ACSBG2: variants seen among roughly 807,000 people sequenced by gnomAD.
ACSBG2 encodes acyl-CoA synthetase bubblegum family member 2.
ACSBG2 carries 62 observed loss-of-function variants against 74.7 expected under a neutral mutation model. The ratio of observed to expected loss-of-function variants is 0.83; its 90% CI spans 0.68 to 1.03. The LOEUF (loss-of-function observed/expected upper bound fraction) is 1.03, where lower values mean the gene tolerates loss of function less well. Ranked by LOEUF, ACSBG2 falls within the 50% of genes least tolerant of loss-of-function variation. The pLI is 0.00. For synonymous variants in ACSBG2, 309 were observed against 294.1 expected (o/e 1.05, Z -0.52); for missense variants, 730 against 817.6 (o/e 0.89, Z 1.31).
intron 1 of ACSBG2, among the ~76,000 whole-genome samples, chr19:6,136,236 T>G (rs1475932534): frequency 6.6e-6 from 1 of 151,724 alleles, no homozygotes; most frequent in East Asian, 1.9e-4. Context: ...GGACTACAGG[T>G]GCCTGCCACC....
intron 7 of ACSBG2, among the ~76,000 whole-genome samples, chr19:6,169,491 C>G (rs929334611): frequency 6.6e-6 from 1 of 152,110 alleles, no homozygotes; most frequent in African/African-American, 2.4e-5. Flanking sequence ...GTTACTATAG[C>G]CTTGTAGTAT....
At chr19:6,176,019 G>T in intron 7 of ACSBG2, 1 of 228,120 alleles carries the variant, frequency 4.4e-6, no homozygotes, top group East Asian at 8.3e-5. Flanking sequence ...AGTTTTCTGA[G>T]TTCTGTCGTT....
chr19:6,162,066 G>C (rs369571704), intron 6 of ACSBG2, among the ~76,000 whole-genome samples: 2 of 152,034 alleles, frequency 1.3e-5, no homozygotes, highest in South Asian at 4.1e-4. Context: ...AGGAGATCGA[G>C]ACCATCCTGG....
At chr19:6,145,597 C>T (rs2089002167) in intron 2 of ACSBG2, among the ~76,000 whole-genome samples, 1 of 152,172 alleles carries the variant, frequency 6.6e-6, no homozygotes, top group Non-Finnish European at 1.5e-5. Context: ...CTTGGACTTT[C>T]TCTCACTTGC....
At chr19:6,167,645 A>G (rs867505473) in intron 7 of ACSBG2, among the ~76,000 whole-genome samples, 3 of 152,138 alleles carry the variant, frequency 2.0e-5, no homozygotes, top group Non-Finnish European at 2.9e-5. Flanking sequence ...ATTTTTCTAC[A>G]ACTATGGTTT....
chr19:6,159,340 G>A (rs1381438254), intron 5 of ACSBG2, among the ~76,000 whole-genome samples: 1 of 152,150 alleles, frequency 6.6e-6, no homozygotes, highest in East Asian at 1.9e-4. Flanking sequence ...CACACTATGG[G>A]GTGGGTGCTG....
At chr19:6,190,812 TACACACAC>T (rs58730661) in intron 14 of ACSBG2, 120 bp downstream of exon 14, 5,324 of 336,742 alleles carry the variant, frequency 0.016, 153 homozygotes, top group African/African-American at 0.083. Flanking sequence ...CACACATACA[TACACACAC>T]ACACACACAC....
chr19:6,181,823 C>CCT (rs1040683615), intron 8 of ACSBG2, among the ~76,000 whole-genome samples: 13 of 131,462 alleles, frequency 9.9e-5, no homozygotes, highest in Non-Finnish European at 1.6e-4. Context: ...GCCCCCCCCC[C>CCT]CAACGAAATT....
chr19:6,163,590 A>C lies in ACSBG2; in HGVS notation c.589-2276A>C, dbSNP rs1396019181. On this transcript the variant is annotated intron_variant, in intron 6 of 14. Transcript: ENST00000588485. ...ACCCCACCTCTACTAAAAATACAAA[A>C]ATTAGCCGGGCGTGGTGGCACGCAC... 2.0e-5 allele frequency among the ~76,000 whole-genome samples: 3 copies of C among 151,382 alleles called. No individual in the cohort carries two copies. The East Asian group carries it at 5.8e-4, about 29-fold the overall frequency.
intron 3 of ACSBG2, among the ~76,000 whole-genome samples, chr19:6,148,962 C>A (rs1030445562): frequency 6.6e-6 from 1 of 152,006 alleles, no homozygotes; most frequent in African/African-American, 2.4e-5. Context: ...CAAAAATTAG[C>A]CAGGTGTGGT....
intron 4 of ACSBG2, among the ~76,000 whole-genome samples, chr19:6,154,882 T>C (rs1185104578): frequency 6.6e-6 from 1 of 152,156 alleles, no homozygotes; most frequent in African/African-American, 2.4e-5. Context: ...CATGCAGTGA[T>C]TGGGCTCTGG....
chr19:6,139,848 GCA>G (rs2144986075), intron 1 of ACSBG2, among the ~76,000 whole-genome samples: 1 of 152,300 alleles, frequency 6.6e-6, no homozygotes, highest in East Asian at 1.9e-4. Flanking sequence ...GGAGGCCGAG[GCA>G]GGCAGATCAC....
intron 1 of ACSBG2, among the ~76,000 whole-genome samples, chr19:6,137,130 T>A (rs2088600943): frequency 7.0e-6 from 1 of 142,606 alleles, no homozygotes; most frequent in African/African-American, 2.6e-5. Flanking sequence ...AGATGGGCAA[T>A]TTATAAAGAA....
chr19:6,156,145 A>G (rs1403330225), intron 4 of ACSBG2, among the ~76,000 whole-genome samples: 1 of 152,046 alleles, frequency 6.6e-6, no homozygotes, highest in Non-Finnish European at 1.5e-5. Flanking sequence ...TTGCTGTGTA[A>G]TCTTGAGTGA....
intron 8 of ACSBG2, among the ~76,000 whole-genome samples, chr19:6,181,675 A>T (rs2145230066): frequency 6.6e-6 from 1 of 152,230 alleles, no homozygotes; most frequent in East Asian, 1.9e-4. Flanking sequence ...AAAGGTTTTT[A>T]GTTTGAGCTC....
At chr19:6,184,910 T>TTTTTTG (rs146001786) in intron 10 of ACSBG2, among the ~76,000 whole-genome samples, 8 of 147,678 alleles carry the variant, frequency 5.4e-5, no homozygotes, top group South Asian at 2.2e-4. Context: ...TTTTCTTTCA[T>TTTTTTG]TTTTTGTTTT....
At position 6,183,178 on chromosome 19, in the gene ACSBG2, C is replaced by T; in HGVS notation, c.1228C>T (p.Leu410=). ...PLNQETAEFF[L]SLDIPIGELY... ...CAACCAAGAGACTGCCGAGTTCTTT[C>T]TAAGCTTGGACATACCTATAGGCGA... Residue 410 remains leucine, a synonymous_variant, in exon 10 of 15, where the codon CTA becomes TTA. Transcript: ENST00000588485. 1.9e-6 allele frequency: 3 copies of T among 1,614,242 alleles called. No individual in the cohort carries two copies. Among genetic ancestry groups the T allele is most frequent in the Middle Eastern group, 3.3e-4 (2 of 6,062 alleles).
intron 7 of ACSBG2, among the ~76,000 whole-genome samples, chr19:6,171,045 CTTAT>C (rs1283477736): frequency 4.0e-5 from 6 of 151,530 alleles, no homozygotes; most frequent in Non-Finnish European, 4.4e-5. Context: ...ACCCTCTCAT[CTTAT>C]TTGTTTTCTG....
rs1294581350 is a variant in ACSBG2, at chr19:6,135,781, G to GT, written c.-158dup. 1 of 152,232 alleles carries GT rather than the reference G, an allele frequency of 6.6e-6. No homozygotes were observed. Among genetic ancestry groups the GT allele is most frequent in the East Asian group, 1.9e-4 (1 of 5,198 alleles). The allele number at this position is 152,232 out of a possible 1,614,324, so 9.4% of individuals were successfully genotyped here. On this transcript the variant is annotated 5_prime_UTR_variant, in exon 1 of 15. The change abolishes the stop of an existing upstream ORF in the 5' untranslated region. Transcript: ENST00000588485. Reference sequence around the variant, plus strand: ...CGGGGGCTGGGAAGGGGCAGCTCATGTTCAGGTTTCCAGGAGGGGCTACCT... The same window carrying GT: ...CGGGGGCTGGGAAGGGGCAGCTCATGTTTCAGGTTTCCAGGAGGGGCTACCT...
Sources: allele counts gnomAD v4.1 joint callset (sites outside exome capture counted in the v4.1 genomes callset), GRCh38; gene constraint gnomAD v4.1.1; transcripts MANE v1.5; gene names NCBI Gene and HGNC (gene_info 2026-07-23, HGNC 2026-07-21).